The following MITF variants were observed in gnomAD, a reference collection of about 807,000 sequenced individuals.
MITF encodes microphthalmia-associated transcription factor.
A neutral mutation model predicts 60.5 loss-of-function variants in MITF; 17 were observed. That is an observed-to-expected ratio of 0.28 (90% CI 0.19 to 0.42). The LOEUF is 0.42. MITF is among the 10% of genes least tolerant of loss of function. The pLI, the probability that MITF is intolerant of heterozygous loss-of-function variation, is 1.00. For synonymous variants in MITF, 260 were observed against 248.5 expected (o/e 1.05, Z -0.43); for missense variants, 622 against 683.5 (o/e 0.91, Z 1.00).
intron 1 of MITF, chr3:69,778,954 C>T (rs1559624527): frequency 6.6e-6 from 1 of 152,106 alleles, no homozygotes; most frequent in Non-Finnish European, 1.5e-5. Context: ...AAATGTCATA[C>T]CCTTTATGAT....
intron 2 of MITF, among the ~76,000 whole-genome samples, chr3:69,930,774 A>T (rs568914889): frequency 2.0e-5 from 3 of 152,366 alleles, no homozygotes; most frequent in Non-Finnish European, 4.4e-5. Context: ...CTTGGGCTCT[A>T]GCCCAGACTT....
intron 1 of MITF, among the ~76,000 whole-genome samples, chr3:69,862,393 A>G (rs950009210): frequency 1.1e-4 from 16 of 152,222 alleles, no homozygotes; most frequent in Admixed American, 5.9e-4. Flanking sequence ...GACCCAGCAC[A>G]TAGTAAGCTC....
chr3:69,927,175 A>G lies in MITF; in HGVS notation c.355-10647A>G, dbSNP rs188992909. 2.0e-5 allele frequency among the ~76,000 whole-genome samples: 3 copies of G among 151,890 alleles called. No homozygotes were observed. The East Asian group carries it at 5.8e-4, about 29-fold the overall frequency. Reference sequence around the variant, plus strand: ...AATAGCATTTAAAAATCAATTTTGGATAGCAGCATGTATAGTGTTTTTAAC... The same window carrying G: ...AATAGCATTTAAAAATCAATTTTGGGTAGCAGCATGTATAGTGTTTTTAAC... On this transcript the variant is annotated intron_variant, in intron 2 of 9. Coordinates refer to ENST00000352241, the MANE Select transcript of MITF (RefSeq NM_001354604.2).
intron 1 of MITF, among the ~76,000 whole-genome samples, chr3:69,860,522 C>T (rs1023019802): frequency 1.4e-5 from 2 of 147,026 alleles, no homozygotes; most frequent in Non-Finnish European, 1.5e-5. Flanking sequence ...GGCGTGAACC[C>T]GGAAGGCGGA....
intron 2 of MITF, among the ~76,000 whole-genome samples, chr3:69,888,346 C>G (rs1194822912): frequency 6.6e-6 from 1 of 151,824 alleles, no homozygotes; most frequent in East Asian, 1.9e-4. Flanking sequence ...AAGATTAGCT[C>G]TGTTTTTCTA....
intron 1 of MITF, among the ~76,000 whole-genome samples, chr3:69,793,966 G>A (rs767017594): frequency 4.6e-5 from 7 of 152,192 alleles, no homozygotes; most frequent in Non-Finnish European, 7.3e-5. Context: ...TGCCATTTGC[G>A]TCTGACATCA....
At position 69,741,982 on chromosome 3, in the gene MITF, A is replaced by G. The variant is rs541938528; in HGVS notation, c.104+2281A>G. On this transcript the variant is annotated intron_variant, in intron 1 of 9. Coordinates refer to ENST00000352241, the MANE Select transcript of MITF (RefSeq NM_001354604.2). ...ACTGCTGTAGCCGTTCTGCCTATCA[A>G]CTGTCTTCTCTGGATTGTCCAGAGT... Among the ~76,000 whole-genome samples the G allele has an allele frequency of 2.6e-5, 4 of 152,278 alleles. 1 individual carries two copies. The East Asian group carries it at 7.7e-4, about 29-fold the overall frequency.
At chr3:69,773,410 A>G (rs2062423206) in intron 1 of MITF, among the ~76,000 whole-genome samples, 1 of 152,250 alleles carries the variant, frequency 6.6e-6, no homozygotes, top group African/African-American at 2.4e-5. Flanking sequence ...TAATTCAGGT[A>G]GCAGCCCAGT....
intron 9 of MITF, among the ~76,000 whole-genome samples, chr3:69,964,437 A>G (rs2107550842): frequency 9.2e-6 from 1 of 108,152 alleles, no homozygotes; most frequent in South Asian, 3.0e-4. Context: ...AGAGCTCATT[A>G]ATTTAAAAGA....
In MITF at chr3:69,845,438, C is replaced by CTTTTTTTTTTT. The variant is rs202135701; in HGVS notation, c.105-33693_105-33692insTTTTTTTTTTT. ...TCTTTTCTTTTCTTTTTTCTTTTTT[C>CTTTTTTTTTTT]TTTCTTTTTTTTTTTTTTGCTATTT... On this transcript the variant is annotated intron_variant, in intron 1 of 9. Coordinates refer to ENST00000352241, the MANE Select transcript of MITF (RefSeq NM_001354604.2). Among the ~76,000 whole-genome samples, 11 of 133,676 alleles carry CTTTTTTTTTTT rather than the reference C, an allele frequency of 8.2e-5. 2 individuals carry two copies. Among genetic ancestry groups the CTTTTTTTTTTT allele is most frequent in the Non-Finnish European group, 1.6e-4 (10 of 61,380 alleles). 87.7% of individuals were successfully genotyped at this position (133,676 alleles called of 152,430 possible).
At chr3:69,917,139 G>A (rs750185847) in intron 2 of MITF, among the ~76,000 whole-genome samples, 3 of 152,110 alleles carry the variant, frequency 2.0e-5, no homozygotes, top group Non-Finnish European at 2.9e-5. Flanking sequence ...GGCTTAAATC[G>A]AGCAGGTGAT....
At chr3:69,838,917 A>G (rs1457069996) in intron 1 of MITF, among the ~76,000 whole-genome samples, 1 of 152,168 alleles carries the variant, frequency 6.6e-6, no homozygotes, top group Non-Finnish European at 1.5e-5. Flanking sequence ...GGAGAGCAGT[A>G]TGATTGAGCT....
intron 2 of MITF, among the ~76,000 whole-genome samples, chr3:69,903,065 C>T (rs2065027637): frequency 6.6e-6 from 1 of 152,002 alleles, no homozygotes; most frequent in African/African-American, 2.4e-5. Flanking sequence ...TTAAAAAGAC[C>T]ACAATCTATG....
chr3:69,776,498 C>T (rs2062475122), intron 1 of MITF, among the ~76,000 whole-genome samples: 1 of 152,120 alleles, frequency 6.6e-6, no homozygotes, highest in Middle Eastern at 3.2e-3. Flanking sequence ...GTAATAATAC[C>T]TGCTACATAG....
At chr3:69,748,021 G>C (rs1365360391) in intron 1 of MITF, among the ~76,000 whole-genome samples, 1 of 152,162 alleles carries the variant, frequency 6.6e-6, no homozygotes, top group Non-Finnish European at 1.5e-5. Flanking sequence ...TCTGTCCTGA[G>C]ATCATGCTTC....
intron 1 of MITF, among the ~76,000 whole-genome samples, chr3:69,760,792 A>G (rs1484123649): frequency 6.6e-6 from 1 of 152,130 alleles, no homozygotes; most frequent in African/African-American, 2.4e-5. Context: ...TTTTGAGGTA[A>G]CCAGGCTCAG....
chr3:69,864,068 C>T lies in MITF; in HGVS notation c.105-15066C>T, dbSNP rs112663013. On this transcript the variant is annotated intron_variant, in intron 1 of 9. Transcript: ENST00000352241. ...TGTAAGAGCTTTTTTAAAAATTGAG[C>T]GTTTATTATGCATCAGAGACAATGC... Among the ~76,000 whole-genome samples the T allele has an allele frequency of 9.2e-5, 14 of 152,182 alleles. 1 individual carries two copies. The highest frequency in any genetic ancestry group is 2.9e-4 in the African/African-American group (12 of 41,518).
chr3:69,801,056 CTTT>C (rs74944767), intron 1 of MITF, among the ~76,000 whole-genome samples: 3 of 140,834 alleles, frequency 2.1e-5, no homozygotes, highest in Non-Finnish European at 1.5e-5. Flanking sequence ...CCTTGTGTAA[CTTT>C]TTTTTTTTTT....
intron 1 of MITF, among the ~76,000 whole-genome samples, chr3:69,745,037 C>T (rs1044151606): frequency 5.3e-5 from 8 of 152,056 alleles, no homozygotes; most frequent in East Asian, 1.9e-4. Context: ...GTGAAATCTG[C>T]ATGAGGTGAT....
Sources: allele counts gnomAD v4.1 joint callset (sites outside exome capture counted in the v4.1 genomes callset), GRCh38; gene constraint gnomAD v4.1.1; transcripts MANE v1.5; gene names NCBI Gene and HGNC (gene_info 2026-07-23, HGNC 2026-07-21).